The following ANO2 variants were observed in gnomAD, a reference collection of about 807,000 sequenced individuals.
ANO2 encodes the protein anoctamin 2, also known as anoctamin-2.
A neutral mutation model predicts 124.2 loss-of-function variants in ANO2; 101 were observed. The ratio of observed to expected loss-of-function variants is 0.81; its 90% confidence interval spans 0.69 to 0.96. ANO2 has a LOEUF of 0.96. ANO2 is among the 40% of genes least tolerant of loss of function. The pLI is 0.00. For missense variants in ANO2, 1,293 were observed against 1,274.5 expected, an observed-to-expected ratio of 1.01 and a Z score of -0.22; for synonymous variants, 486 against 482.5, an observed-to-expected ratio of 1.01 and a Z score of -0.09.
At chr12:5,618,905 T>C (rs1944970915) in intron 16 of ANO2, among the ~76,000 whole-genome samples, 1 of 152,022 alleles carries the variant, frequency 6.6e-6, no homozygotes, top group African/African-American at 2.4e-5. Context: ...GCAGAAAGAG[T>C]CTTAGGGAAA....
chr12:5,886,910 T>C (rs1308810408), intron 3 of ANO2, among the ~76,000 whole-genome samples: 1 of 152,154 alleles, frequency 6.6e-6, no homozygotes, highest in South Asian at 2.1e-4. Flanking sequence ...GAAAGTATAA[T>C]GGTGGTTTCC....
At chr12:5,596,694 T>C (rs1282934635) in intron 20 of ANO2, among the ~76,000 whole-genome samples, 1 of 152,172 alleles carries the variant, frequency 6.6e-6, no homozygotes, top group Non-Finnish European at 1.5e-5. Context: ...AAACACATAA[T>C]AACATGGTAG....
intron 14 of ANO2, among the ~76,000 whole-genome samples, chr12:5,715,278 TA>T (rs1490439740): frequency 6.6e-6 from 1 of 152,146 alleles, no homozygotes; most frequent in African/African-American, 2.4e-5. Flanking sequence ...TTCTTGGAGC[TA>T]AAGCCATAAA....
intron 3 of ANO2, among the ~76,000 whole-genome samples, chr12:5,864,660 T>C (rs1955371057): frequency 6.6e-6 from 1 of 152,130 alleles, no homozygotes; most frequent in African/African-American, 2.4e-5. Context: ...AGCTGGTCAT[T>C]AGTAAATACT....
intron 3 of ANO2, among the ~76,000 whole-genome samples, chr12:5,914,472 T>C (rs1487699936): frequency 1.3e-5 from 2 of 152,156 alleles, no homozygotes; most frequent in Non-Finnish European, 1.5e-5. Context: ...TCACACCTGA[T>C]ACCGAGACAG....
Position 5,854,112 on chromosome 12 carries a change from C to T in ANO2, c.564G>A (p.Arg188=), listed in dbSNP as rs1955014512. 4 of 1,613,398 alleles carry T rather than the reference C, an allele frequency of 2.5e-6. No individual in the cohort carries two copies. Among genetic ancestry groups the T allele is most frequent in the East Asian group, 2.2e-5 (1 of 44,876 alleles). ...ENKSQGSIFV[R]IHAPWQVLAR... ...CCAGCACCTGCCACGGGGCGTGTAT[C>T]CGGACAAAGATGGATCCCTGGCTTT... Residue 188 remains arginine, a synonymous_variant, in exon 4 of 25, where the codon CGG becomes CGA. Transcript: ENST00000682330.
At chr12:5,815,280 G>GCA (rs1565691318) in intron 7 of ANO2, among the ~76,000 whole-genome samples, 2 of 152,010 alleles carry the variant, frequency 1.3e-5, no homozygotes, top group Non-Finnish European at 2.9e-5. Flanking sequence ...ACTGCAAAGT[G>GCA]AAACTGAGAT....
chr12:5,778,798 C>T (rs1332695960), intron 10 of ANO2, among the ~76,000 whole-genome samples: 1 of 152,048 alleles, frequency 6.6e-6, no homozygotes, highest in Non-Finnish European at 1.5e-5. Context: ...AATTTTGAGT[C>T]CAGAGCAGTC....
chr12:5,642,068 C>A (rs889521606), intron 15 of ANO2, among the ~76,000 whole-genome samples: 14 of 152,160 alleles, frequency 9.2e-5, no homozygotes, highest in Non-Finnish European at 2.1e-4. Flanking sequence ...TCAGTCCTCT[C>A]CTTGCCTGAC....
chr12:5,772,692 AAAAAG>A (rs1261516744), intron 10 of ANO2, among the ~76,000 whole-genome samples: 4 of 152,248 alleles, frequency 2.6e-5, no homozygotes, highest in Non-Finnish European at 5.9e-5. Context: ...ACACTTGTCA[AAAAAG>A]AAAAGGATAG....
chr12:5,918,981 T>G lies in ANO2; in HGVS notation c.534+2059A>C, dbSNP rs1245481015. Among the ~76,000 whole-genome samples, 3 of 152,082 alleles carry G rather than the reference T, an allele frequency of 2.0e-5. No homozygotes were observed. The East Asian group carries it at 5.8e-4, about 29-fold the overall frequency. ...GGTCACTCATATACTCAGCTGACAC[T>G]TATTAAGCACCTATATGTGCCAGAG... On this transcript the variant is annotated intron_variant, in intron 3 of 24. Coordinates refer to ENST00000682330, the MANE Select transcript of ANO2 (RefSeq NM_001364791.2).
chr12:5,595,589 G>A (rs1018476120), intron 20 of ANO2, among the ~76,000 whole-genome samples: 1 of 152,064 alleles, frequency 6.6e-6, no homozygotes, highest in Admixed American at 6.6e-5. Context: ...ATAAGCCATG[G>A]TCCCTACCTA....
chr12:5,651,363 G>T (rs1348193589), intron 14 of ANO2, among the ~76,000 whole-genome samples: 1 of 152,074 alleles, frequency 6.6e-6, no homozygotes, highest in African/African-American at 2.4e-5. Flanking sequence ...ATCCCTTGAA[G>T]AATAATTTTG....
intron 1 of ANO2, among the ~76,000 whole-genome samples, chr12:5,923,041 TG>T (rs1941798435): frequency 8.8e-6 from 1 of 113,980 alleles, no homozygotes; most frequent in Non-Finnish European, 1.9e-5. Flanking sequence ...TACACACACA[TG>T]CACGCACACA....
Position 5,922,738 on chromosome 12 carries a change from C to T in ANO2, c.89G>A (p.Gly30Asp), listed in dbSNP as rs748993446. The change falls in exon 2 of 25, where the codon GGC becomes GAC. Residue 30 changes from glycine (G) to aspartate (D), a missense_variant. Gly to Asp is a moderately conservative substitution (Grantham distance 94). Coordinates refer to ENST00000682330, the MANE Select transcript of ANO2 (RefSeq NM_001364791.2). ...SPQAGSRGGQ[G>D]PKHGQQCLKM... ...GAGACACTGCTGTCCATGTTTGGGG[C>T]CCTGGCCCCCTCTGGACCCTGCCTG... 4.4e-6 allele frequency: 7 copies of T among 1,599,240 alleles called. No individual in the cohort carries two copies. Among genetic ancestry groups the T allele is most frequent in the South Asian group, 2.3e-5 (2 of 88,154 alleles).
intron 4 of ANO2, among the ~76,000 whole-genome samples, chr12:5,853,091 C>T (rs1170471876): frequency 6.6e-6 from 1 of 151,636 alleles, no homozygotes; most frequent in African/African-American, 2.4e-5. Context: ...TGAGCACATG[C>T]TTCCTTTCTC....
chr12:5,922,476 G>C (rs1029820335), intron 2 of ANO2, 144 bp downstream of exon 2: 3 of 914,598 alleles, frequency 3.3e-6, no homozygotes, highest in Non-Finnish European at 4.7e-6. Flanking sequence ...AGACAGAGAA[G>C]AGAAAAGGCC....
chr12:5,854,390 C>A (rs1194681335), intron 3 of ANO2, among the ~76,000 whole-genome samples: 1 of 87,690 alleles, frequency 1.1e-5, no homozygotes, highest in Non-Finnish European at 2.0e-5. Context: ...AGTTTGGTAG[C>A]TTCAGAGCAA....
intron 11 of ANO2, among the ~76,000 whole-genome samples, chr12:5,745,548 C>T (rs1228363995): frequency 6.6e-6 from 1 of 152,194 alleles, no homozygotes; most frequent in Non-Finnish European, 1.5e-5. Context: ...GAGGAAACCT[C>T]CAAAGCCAAA....
Sources: gnomAD v4.1 joint callset for allele counts (sites outside exome capture counted in the v4.1 genomes callset) on GRCh38, gnomAD v4.1.1 for gene constraint, MANE v1.5 for transcripts, NCBI Gene and HGNC (gene_info 2026-07-23, HGNC 2026-07-21) for gene names.